Variants in ASTN1 observed in about 807,000 individuals in gnomAD.
ASTN1 encodes the protein astrotactin-1.
ASTN1 carries 41 observed loss-of-function variants against 140.7 expected under a neutral mutation model. The observed-to-expected ratio is 0.29, with a 90% CI of 0.23 to 0.38. The LOEUF (loss-of-function observed/expected upper bound fraction) is 0.38. ASTN1 is among the 10% of genes least tolerant of loss of function. The probability of loss-of-function intolerance (pLI) is 1.00; values close to 1 mark genes in which losing one functional copy is unlikely to be tolerated. For missense variants in ASTN1, 1,479 were observed against 1,678.8 expected, an observed-to-expected ratio of 0.88 and a Z score of 2.08; for synonymous variants, 640 against 652.2, an observed-to-expected ratio of 0.98 and a Z score of 0.29.
intron 1 of ASTN1, among the ~76,000 whole-genome samples, chr1:177,105,710 C>T (rs549388763): frequency 6.6e-6 from 1 of 151,844 alleles, no homozygotes; most frequent in African/African-American, 2.4e-5. Flanking sequence ...ATTATTGCTG[C>T]ACTGATTGAG....
At chr1:176,926,443 C>A (rs1316152804) in intron 16 of ASTN1, among the ~76,000 whole-genome samples, 1 of 152,148 alleles carries the variant, frequency 6.6e-6, no homozygotes, top group Non-Finnish European at 1.5e-5. Context: ...TTTAGGAAAG[C>A]TTTAGAGTGT....
At position 176,884,508 on chromosome 1, in the gene ASTN1, G is replaced by A. The variant is rs2103028400; in HGVS notation, c.3075-18C>T. On this transcript the variant is annotated intron_variant, in intron 18 of 22. Coordinates refer to ENST00000361833, the MANE Select transcript of ASTN1 (RefSeq NM_004319.3). The stretch of plus-strand genomic sequence containing the variant: ...GTCTCAGCCTGTGTGCAGACAGGAA[G>A]GAACATGAAACAGGGACACAACTGT... The A allele has an allele frequency of 6.3e-7, 1 of 1,589,894 alleles. No homozygotes were observed. Among genetic ancestry groups the A allele is most frequent in the East Asian group, 2.3e-5 (1 of 44,206 alleles).
intron 18 of ASTN1, among the ~76,000 whole-genome samples, 174 bp downstream of exon 18, chr1:176,887,897 T>C (rs562563926): frequency 1.3e-5 from 2 of 152,338 alleles, no homozygotes; most frequent in South Asian, 2.1e-4. Context: ...TGTCACACCC[T>C]TTCTCTACTA....
intron 5 of ASTN1, among the ~76,000 whole-genome samples, chr1:177,027,581 C>T (rs1283694378): frequency 1.3e-5 from 2 of 150,616 alleles, no homozygotes; most frequent in African/African-American, 4.9e-5. Flanking sequence ...ATGACAGCTG[C>T]CATATTGAAC....
chr1:177,013,276 C>G (rs574967166), intron 8 of ASTN1, among the ~76,000 whole-genome samples: 1 of 152,272 alleles, frequency 6.6e-6, no homozygotes, highest in South Asian at 2.1e-4. Context: ...TTGACTTCCC[C>G]AAGTTTTCTG....
intron 8 of ASTN1, among the ~76,000 whole-genome samples, chr1:176,982,846 C>T (rs974899954): frequency 1.3e-5 from 2 of 152,160 alleles, no homozygotes; most frequent in African/African-American, 2.4e-5. Flanking sequence ...TAGCGTGAGC[C>T]TTCAGGAGTT....
chr1:176,934,036 G>A (rs1488721506), intron 16 of ASTN1, 116 bp downstream of exon 16: 1 of 1,138,334 alleles, frequency 8.8e-7, no homozygotes, highest in Non-Finnish European at 1.2e-6. Flanking sequence ...CAGAGCATTA[G>A]GGGAAAATCT....
In ASTN1 at chr1:177,153,988, A is replaced by C. The variant is rs138081890; in HGVS notation, c.283+10406T>G. On this transcript the variant is annotated intron_variant, in intron 1 of 22. Coordinates refer to ENST00000361833, the MANE Select transcript of ASTN1 (RefSeq NM_004319.3). ...AAATATTAATACTACTGATGAGAGT[A>C]CAAACTGATCCAGCCATTCTGAGCA... Among the ~76,000 whole-genome samples, 442 of 152,306 alleles carry C rather than the reference A, an allele frequency of 2.9e-3. 6 individuals are homozygous for C. Among genetic ancestry groups the C allele is most frequent in the African/African-American group, 0.01 (427 of 41,570 alleles).
At chr1:176,958,059 C>G (rs1482977607) in intron 10 of ASTN1, among the ~76,000 whole-genome samples, 1 of 152,206 alleles carries the variant, frequency 6.6e-6, no homozygotes, top group Non-Finnish European at 1.5e-5. Context: ...GGTCTAAACT[C>G]AGGCAAGGAA....
At chr1:177,120,220 G>A (rs560524372) in intron 1 of ASTN1, among the ~76,000 whole-genome samples, 3 of 152,292 alleles carry the variant, frequency 2.0e-5, no homozygotes, top group South Asian at 2.1e-4. Flanking sequence ...GTATTCAAAC[G>A]CTGAGCTGCA....
intron 1 of ASTN1, among the ~76,000 whole-genome samples, chr1:177,162,138 T>C (rs893481553): frequency 1.3e-5 from 2 of 152,114 alleles, no homozygotes; most frequent in Non-Finnish European, 2.9e-5. Flanking sequence ...CCCTCACCAT[T>C]GGCCAAGAGC....
At position 176,889,088 on chromosome 1, in the gene ASTN1, C is replaced by T. The variant is rs536139123; in HGVS notation, c.2941-884G>A. 3.3e-5 allele frequency among the ~76,000 whole-genome samples: 5 copies of T among 152,332 alleles called. No homozygotes were observed. In the South Asian group the frequency reaches 1.0e-3, roughly 32 times the overall value. ...TCACAGAACCTAGCAGAATTCTTTACATGCAGAGGGTTCATAGAGATATTT... is the reference window on the plus strand; with the variant it reads ...TCACAGAACCTAGCAGAATTCTTTATATGCAGAGGGTTCATAGAGATATTT... On this transcript the variant is annotated intron_variant, in intron 17 of 22. Transcript: ENST00000361833.
intron 11 of ASTN1, among the ~76,000 whole-genome samples, chr1:176,953,138 T>A (rs1461108259): frequency 1.3e-5 from 2 of 152,226 alleles, no homozygotes; most frequent in African/African-American, 4.8e-5. Flanking sequence ...CTTTTCTTTG[T>A]CATCTTTCCC....
At chr1:176,996,783 G>A (rs890700717) in intron 8 of ASTN1, among the ~76,000 whole-genome samples, 1 of 152,148 alleles carries the variant, frequency 6.6e-6, no homozygotes, top group African/African-American at 2.4e-5. Flanking sequence ...ATCCTGCCAC[G>A]CTAGGGGCTC....
chr1:176,883,055 G>C (rs1668876402), intron 19 of ASTN1, 61 bp from the exon 20 acceptor site: 1 of 1,596,498 alleles, frequency 6.3e-7, no homozygotes, highest in Non-Finnish European at 8.6e-7. Flanking sequence ...GCAATGAGGA[G>C]ATGGAGTCAA....
At chr1:176,959,777 T>C (rs1453076783) in intron 9 of ASTN1, among the ~76,000 whole-genome samples, 2 of 152,148 alleles carry the variant, frequency 1.3e-5, no homozygotes, top group Non-Finnish European at 2.9e-5. Flanking sequence ...ACCCTGACTC[T>C]TGGGCACCTA....
chr1:176,949,533 C>G (rs1484838542), intron 11 of ASTN1, among the ~76,000 whole-genome samples, 182 bp from the exon 12 acceptor site: 1 of 152,170 alleles, frequency 6.6e-6, no homozygotes, highest in Non-Finnish European at 1.5e-5. Flanking sequence ...CCTTTTTTGA[C>G]GTCTTTCTTC....
intron 1 of ASTN1, among the ~76,000 whole-genome samples, chr1:177,157,750 C>T (rs1683302506): frequency 6.6e-6 from 1 of 152,082 alleles, no homozygotes; most frequent in Non-Finnish European, 1.5e-5. Context: ...CAAGAGGTAA[C>T]ACTCGTATTT....
At chr1:176,994,594 T>C (rs1674352619) in intron 8 of ASTN1, among the ~76,000 whole-genome samples, 2 of 152,104 alleles carry the variant, frequency 1.3e-5, no homozygotes, top group Admixed American at 1.3e-4. Context: ...TCGCCTGCCT[T>C]GGCCTCCCAA....
Sources: allele counts gnomAD v4.1 joint callset (sites outside exome capture counted in the v4.1 genomes callset), GRCh38; gene constraint gnomAD v4.1.1; transcripts MANE v1.5; gene names NCBI Gene and HGNC (gene_info 2026-07-23, HGNC 2026-07-21).